SIN3A: variants seen among roughly 807,000 people sequenced by gnomAD.
SIN3A encodes SIN3 transcription regulator family member A, also known as paired amphipathic helix protein Sin3a.
SIN3A carries 14 observed loss-of-function variants against 146.1 expected under a neutral mutation model. The ratio of observed to expected loss-of-function variants is 0.10; its 90% confidence interval spans 0.06 to 0.15. SIN3A has a LOEUF of 0.15. SIN3A is among the 10% of genes least tolerant of loss of function. The pLI, the probability that SIN3A is intolerant of heterozygous loss-of-function variation, is 1.00. For missense variants in SIN3A, 1,028 were observed against 1,576.0 expected, an observed-to-expected ratio of 0.65 and a Z score of 5.89; for synonymous variants, 572 against 572.0, an observed-to-expected ratio of 1.00 and a Z score of 0.00.
intron 1 of SIN3A, among the ~76,000 whole-genome samples, chr15:75,432,086 G>C (rs1016834448): frequency 6.6e-6 from 1 of 152,164 alleles, no homozygotes; most frequent in Admixed American, 6.6e-5. Flanking sequence ...GTCTTAGCTA[G>C]TTATGCTTTC....
chr15:75,449,380 G>A (rs779808673), intron 1 of SIN3A, among the ~76,000 whole-genome samples: 1 of 152,182 alleles, frequency 6.6e-6, no homozygotes, highest in Non-Finnish European at 1.5e-5. Context: ...TAATTAACCA[G>A]AGGCTCATTT....
chr15:75,430,626 T>G (rs1263391033), intron 1 of SIN3A, among the ~76,000 whole-genome samples: 1 of 152,190 alleles, frequency 6.6e-6, no homozygotes, highest in Non-Finnish European at 1.5e-5. Context: ...TAACATAATT[T>G]TAATTAATTT....
chr15:75,420,974 T>C (rs1022908720), intron 3 of SIN3A: 3 of 152,204 alleles, frequency 2.0e-5, no homozygotes, highest in Non-Finnish European at 2.9e-5. Flanking sequence ...TCCTTGCCAG[T>C]TTCCATAAAG....
chr15:75,387,882 G>T (rs1056191881), intron 16 of SIN3A, among the ~76,000 whole-genome samples: 1 of 152,124 alleles, frequency 6.6e-6, no homozygotes, highest in African/African-American at 2.4e-5. Flanking sequence ...TCCATCTAAT[G>T]ATTTCTGCCA....
Position 75,392,266 on chromosome 15 carries a change from T to A in SIN3A, c.2827A>T (p.Ile943Phe), listed in dbSNP as rs763053849. 2 of 1,613,754 alleles carry A rather than the reference T, an allele frequency of 1.2e-6. No individual in the cohort carries two copies. Residue 943 changes from isoleucine (I) to phenylalanine (F), a missense_variant, in exon 15 of 21, where the codon ATT becomes TTT. Physicochemically the swap from Ile to Phe is conservative, Grantham distance 21. Coordinates refer to ENST00000394947, the MANE Select transcript of SIN3A (RefSeq NM_001145358.2). Reference sequence around the variant, plus strand: ...CTAGGTTCTTTGAGACGTAGCTGAATGGCAGGGCTGTCACTCTTGTCTCGC... The same window carrying A: ...CTAGGTTCTTTGAGACGTAGCTGAAAGGCAGGGCTGTCACTCTTGTCTCGC... The part of the protein sequence containing the change: ...IKRDKSDSPA[I>F]QLRLKEPMDV...
intron 16 of SIN3A, among the ~76,000 whole-genome samples, chr15:75,385,112 G>A (rs998512942): frequency 2.6e-5 from 4 of 152,196 alleles, no homozygotes; most frequent in African/African-American, 9.6e-5. Context: ...GATGGAGGTT[G>A]CAGTGAGCCG....
chr15:75,428,283 C>G (rs1167947512), intron 2 of SIN3A, among the ~76,000 whole-genome samples: 1 of 152,060 alleles, frequency 6.6e-6, no homozygotes, highest in Non-Finnish European at 1.5e-5. Context: ...CAATGTAAAC[C>G]AACGATGGTA....
At chr15:75,436,770 A>G (rs980695677) in intron 1 of SIN3A, among the ~76,000 whole-genome samples, 1 of 152,068 alleles carries the variant, frequency 6.6e-6, no homozygotes, top group African/African-American at 2.4e-5. Flanking sequence ...GGAAAAAAAA[A>G]AACAGGAAGA....
chr15:75,423,506 G>A (rs892332297), intron 2 of SIN3A, among the ~76,000 whole-genome samples: 22 of 152,018 alleles, frequency 1.4e-4, no homozygotes, highest in Admixed American at 1.3e-3. Context: ...GTGAAACCCC[G>A]TCTCTACTAA....
At chr15:75,377,147 A>T (rs1055521155) in intron 19 of SIN3A, among the ~76,000 whole-genome samples, 1 of 152,156 alleles carries the variant, frequency 6.6e-6, no homozygotes, top group Non-Finnish European at 1.5e-5. Flanking sequence ...CCAAATTCCA[A>T]TATCAATTTG....
intron 1 of SIN3A, chr15:75,436,197 T>C (rs904890079): frequency 4.0e-5 from 6 of 150,836 alleles, no homozygotes; most frequent in Non-Finnish European, 8.8e-5. Flanking sequence ...CCACGCACAA[T>C]GGCTCACAAA....
intron 3 of SIN3A, chr15:75,420,864 G>A (rs989750898): frequency 5.3e-5 from 8 of 152,160 alleles, no homozygotes; most frequent in Non-Finnish European, 1.2e-4. Context: ...ATTTTATGCA[G>A]GAATATAGTC....
intron 10 of SIN3A, 34 bp downstream of exon 10, chr15:75,401,818 C>A: frequency 8.1e-7 from 1 of 1,229,860 alleles, no homozygotes; most frequent in Non-Finnish European, 1.2e-6. Context: ...GTCTCCATAT[C>A]ATGCATCAGG....
chr15:75,437,329 T>C (rs2074125192), intron 1 of SIN3A, among the ~76,000 whole-genome samples: 1 of 151,932 alleles, frequency 6.6e-6, no homozygotes, highest in South Asian at 2.1e-4. Context: ...CGCCACCATA[T>C]CTAACTTTTG....
intron 12 of SIN3A, among the ~76,000 whole-genome samples, chr15:75,399,363 A>G (rs545144363): frequency 1.3e-5 from 2 of 152,204 alleles, no homozygotes; most frequent in East Asian, 3.9e-4. Context: ...TCCGTCTCTA[A>G]TAAAAATACA....
chr15:75,410,655 G>C (rs746013631), intron 6 of SIN3A, among the ~76,000 whole-genome samples: 1 of 151,970 alleles, frequency 6.6e-6, no homozygotes, highest in Non-Finnish European at 1.5e-5. Context: ...CAAAACCTTA[G>C]AAATTTCTCC....
At chr15:75,397,634 C>T (rs1000335607) in intron 12 of SIN3A, among the ~76,000 whole-genome samples, 1 of 152,204 alleles carries the variant, frequency 6.6e-6, no homozygotes, top group African/African-American at 2.4e-5. Flanking sequence ...TGGGAGTTGT[C>T]TGTACTGAGG....
chr15:75,393,156 G>A (rs2073240423), intron 14 of SIN3A, among the ~76,000 whole-genome samples: 3 of 152,154 alleles, frequency 2.0e-5, no homozygotes, highest in Admixed American at 2.0e-4. Context: ...TTGAACCCGT[G>A]AGGCAAAGGT....
At chr15:75,373,497 C>T (rs953694357) in intron 20 of SIN3A, among the ~76,000 whole-genome samples, 5 of 152,142 alleles carry the variant, frequency 3.3e-5, no homozygotes, top group African/African-American at 1.2e-4. Flanking sequence ...TCAGCCTACT[C>T]AACAAGATGA....
Sources: allele counts gnomAD v4.1 joint callset (sites outside exome capture counted in the v4.1 genomes callset), GRCh38; gene constraint gnomAD v4.1.1; transcripts MANE v1.5; gene names NCBI Gene and HGNC (gene_info 2026-07-23, HGNC 2026-07-21).